Variants in NFAM1 observed in about 807,000 individuals in gnomAD.
NFAM1 encodes the protein NFAT activating protein with ITAM motif 1, also known as NFAT activation molecule 1.
In NFAM1, 17 loss-of-function variants were observed where a neutral mutation model predicts 29.0. The ratio of observed to expected loss-of-function variants is 0.59; its 90% confidence interval spans 0.40 to 0.88. The LOEUF (loss-of-function observed/expected upper bound fraction) is 0.88, where lower values mean the gene tolerates loss of function less well. Ranked by LOEUF, NFAM1 falls within the 40% of genes least tolerant of loss-of-function variation. The probability of loss-of-function intolerance (pLI) is 0.00; values close to 1 mark genes in which losing one functional copy is unlikely to be tolerated. For missense variants in NFAM1, 324 were observed against 344.6 expected, an observed-to-expected ratio of 0.94 and a Z score of 0.47; for synonymous variants, 175 against 147.2, an observed-to-expected ratio of 1.19 and a Z score of -1.36.
At chr22:42,414,851 T>C (rs1341549856) in intron 1 of NFAM1, among the ~76,000 whole-genome samples, 9 of 152,166 alleles carry the variant, frequency 5.9e-5, no homozygotes, top group South Asian at 4.1e-4. Context: ...TTCAGACCAA[T>C]TTCTTTAAAA....
chr22:42,395,798 G>A (rs1255865957), intron 4 of NFAM1, among the ~76,000 whole-genome samples: 1 of 149,700 alleles, frequency 6.7e-6, no homozygotes, highest in South Asian at 2.1e-4. Flanking sequence ...CAAGAGAATG[G>A]CATGAACCTG....
rs73886093 is a variant in NFAM1 at position 42,411,395 on chromosome 22, A to G, written c.451+12T>C. ...GTCCTTTGCCCTGGAAGAGCCACAG[A>G]GGAAGCCTTACCTCTGACCAGGATG... On this transcript the variant is annotated intron_variant, in intron 2 of 5. Transcript: ENST00000329021. 5.4e-3 allele frequency: 8,697 copies of G among 1,602,638 alleles called. 415 individuals carry two copies. The African/African-American group carries it at 0.1, about 19-fold the overall frequency.
intron 3 of NFAM1, among the ~76,000 whole-genome samples, chr22:42,408,315 A>G (rs1033948118): frequency 2.0e-5 from 3 of 152,212 alleles, no homozygotes; most frequent in African/African-American, 7.2e-5. Context: ...CCCGTGGAAG[A>G]GAGCTCTTCT....
chr22:42,385,448 G>C (rs541891816), intron 5 of NFAM1, among the ~76,000 whole-genome samples: 54 of 141,798 alleles, frequency 3.8e-4, no homozygotes, highest in Non-Finnish European at 6.9e-4. Flanking sequence ...TGCCCTTCCA[G>C]CCTCAGAGCT....
Position 42,388,604 on chromosome 22 carries a change from GGA to G in NFAM1, c.664-1528_664-1527del, listed in dbSNP as rs1929229350. Among the ~76,000 whole-genome samples, 1 of 152,180 alleles carries G rather than the reference GGA, an allele frequency of 6.6e-6. No homozygotes were observed. The highest frequency in any genetic ancestry group is 1.5e-5 in the Non-Finnish European group (1 of 68,038). On this transcript the variant is annotated intron_variant, in intron 4 of 5. Transcript: ENST00000329021. The surrounding 1 kb of genome is among the most constrained non-coding windows in gnomAD (Gnocchi z 4.1). ...CAAGCAGGGGTTGCTGAGGCAGGCT[GGA>G]GAGACAGGTGGTGCTCAGAGGCAGG...
At chr22:42,414,261 A>G (rs979580904) in intron 1 of NFAM1, among the ~76,000 whole-genome samples, 2 of 152,092 alleles carry the variant, frequency 1.3e-5, no homozygotes, top group Non-Finnish European at 1.5e-5. Flanking sequence ...TGGTGGACGG[A>G]GCAGGGGGGA....
In NFAM1 at chr22:42,409,725, T is replaced by C. The variant is rs1205680928; in HGVS notation, c.452-178A>G. 1.3e-5 allele frequency among the ~76,000 whole-genome samples: 2 copies of C among 152,146 alleles called. No individual in the cohort carries two copies. The highest frequency in any genetic ancestry group is 2.9e-5 in the Non-Finnish European group (2 of 68,022). ...GGGCCTTCATTGTCCCCTCACTCCT[T>C]TTCATGCTCACTGCCTTGCTTCTCT... On this transcript the variant is annotated intron_variant, in intron 2 of 5. Transcript: ENST00000329021. The surrounding 1 kb of genome is among the most constrained non-coding windows in gnomAD (Gnocchi z 4.9).
intron 5 of NFAM1, 130 bp from the exon 6 acceptor site, chr22:42,385,350 T>G: frequency 1.4e-6 from 1 of 711,352 alleles, no homozygotes; most frequent in Admixed American, 2.0e-5. Flanking sequence ...ATGGGGGGCC[T>G]GCCCTCTGTC....
In NFAM1 at chr22:42,380,557, T is replaced by C. The variant is rs1928909076; in HGVS notation, c.*4604A>G. Reference sequence around the variant, plus strand: ...TCAGTCAAGGCTGAGGCCATCATTCTGACCACAGGTCAGGGAAGGGAGACT... The same window carrying C: ...TCAGTCAAGGCTGAGGCCATCATTCCGACCACAGGTCAGGGAAGGGAGACT... On this transcript the variant is annotated 3_prime_UTR_variant, in exon 6 of 6. Transcript: ENST00000329021. The C allele has an allele frequency of 6.6e-6, 1 of 152,620 alleles. No homozygotes were observed. The highest frequency in any genetic ancestry group is 1.5e-5 in the Non-Finnish European group (1 of 68,048). 9.5% of individuals were successfully genotyped at this position (152,620 alleles called of 1,614,324 possible).
intron 4 of NFAM1, among the ~76,000 whole-genome samples, chr22:42,394,045 T>C (rs1929436744): frequency 6.6e-6 from 1 of 152,166 alleles, no homozygotes; most frequent in Non-Finnish European, 1.5e-5. Context: ...ATTTATTTAT[T>C]TATTTTTGAG....
In NFAM1 at chr22:42,380,898, C is replaced by A. The variant is rs999185982; in HGVS notation, c.*4263G>T. The stretch of plus-strand genomic sequence containing the variant: ...TGGGTGGCCAAAGAGCACTGCCTAC[C>A]CTGGCCGAGGCCACCAGGCTCAGTT... On this transcript the variant is annotated 3_prime_UTR_variant, in exon 6 of 6. Transcript: ENST00000329021. The A allele has an allele frequency of 2.0e-5, 3 of 152,460 alleles. No individual in the cohort carries two copies. The highest frequency in any genetic ancestry group is 7.2e-5 in the African/African-American group (3 of 41,438). The allele number at this position is 152,460 out of a possible 1,614,324, so 9.4% of individuals were successfully genotyped here. A position where few individuals can be genotyped will look rare whatever the true frequency, so the allele number is the denominator to read the frequency against.
At chr22:42,435,065 C>T (rs1017068832), upstream of NFAM1, among the ~76,000 whole-genome samples, 5 of 152,236 alleles carry the variant, frequency 3.3e-5, no homozygotes, top group African/African-American at 1.2e-4. Context: ...CTTCCAAGCG[C>T]CTGACACTGC....
intron 3 of NFAM1, among the ~76,000 whole-genome samples, chr22:42,400,764 T>C (rs1032343207): frequency 6.6e-6 from 1 of 152,220 alleles, no homozygotes. Context: ...ACCGTCACAG[T>C]CAGAGGTAGT....
intron 2 of NFAM1, chr22:42,410,525 G>A: frequency 3.0e-6 from 1 of 336,258 alleles, no homozygotes; most frequent in Non-Finnish European, 6.1e-6. Flanking sequence ...CAGGTGTGGT[G>A]GTGGACATCT....
intron 3 of NFAM1, among the ~76,000 whole-genome samples, chr22:42,402,233 G>A (rs892776649): frequency 1.3e-5 from 2 of 152,200 alleles, no homozygotes; most frequent in South Asian, 4.1e-4. Flanking sequence ...GAGAAGAGCC[G>A]AGCACAACTC....
At chr22:42,399,473 AAAAAAAG>A (rs1274647382) in intron 3 of NFAM1, among the ~76,000 whole-genome samples, 1 of 150,342 alleles carries the variant, frequency 6.7e-6, no homozygotes, top group African/African-American at 2.4e-5. Flanking sequence ...AGAAAGAAAG[AAAAAAAG>A]AGAGAGAGAG....
At chr22:42,417,735 G>A (rs1930307827) in intron 1 of NFAM1, among the ~76,000 whole-genome samples, 1 of 152,126 alleles carries the variant, frequency 6.6e-6, no homozygotes, top group Non-Finnish European at 1.5e-5. Flanking sequence ...TCTTGAACCT[G>A]CTGAATGTGG....
intron 1 of NFAM1, among the ~76,000 whole-genome samples, chr22:42,423,993 C>T (rs1908757305): frequency 6.6e-6 from 1 of 152,146 alleles, no homozygotes; most frequent in Non-Finnish European, 1.5e-5. Context: ...CTCCTGACCT[C>T]ATGACCTCAC....
chr22:42,436,398 C>A (rs1930940998), upstream of NFAM1, among the ~76,000 whole-genome samples: 1 of 152,192 alleles, frequency 6.6e-6, no homozygotes, highest in Admixed American at 6.5e-5. Context: ...TTCCAGGGTA[C>A]TCAGGGGCCG....
Sources: gnomAD v4.1 joint callset for allele counts (sites outside exome capture counted in the v4.1 genomes callset) on GRCh38, gnomAD v4.1.1 for gene constraint, Gnocchi (gnomAD v3.1) non-coding constraint, MANE v1.5 for transcripts, NCBI Gene and HGNC (gene_info 2026-07-23, HGNC 2026-07-21) for gene names.